The following KLHL7 variants were observed in gnomAD, a reference collection of about 807,000 sequenced individuals.
KLHL7 encodes the protein kelch-like protein 7.
KLHL7 carries 44 observed loss-of-function variants against 67.4 expected under a neutral mutation model. The ratio of observed to expected loss-of-function variants is 0.65; its 90% CI spans 0.51 to 0.84. The LOEUF is 0.84. Ranked by LOEUF, KLHL7 falls within the 40% of genes least tolerant of loss-of-function variation. The pLI, the probability that KLHL7 is intolerant of heterozygous loss-of-function variation, is 0.00. For synonymous variants in KLHL7, 252 were observed against 243.3 expected (o/e 1.04, Z -0.33); for missense variants, 362 against 718.1 (o/e 0.50, Z 5.67).
At chr7:23,127,972 G>C (rs1405086409) in intron 4 of KLHL7, among the ~76,000 whole-genome samples, 1 of 150,300 alleles carries the variant, frequency 6.7e-6, no homozygotes, top group East Asian at 2.0e-4. Flanking sequence ...AGAAATAGAA[G>C]GGAACAAATT....
rs547045890 is a variant in KLHL7, at chr7:23,120,407, TTTAA to T, written c.121-3367_121-3364del. Among the ~76,000 whole-genome samples, 773 of 152,342 alleles carry T rather than the reference TTTAA, an allele frequency of 5.1e-3. 7 individuals carry two copies. The highest frequency in any genetic ancestry group is 0.017 in the African/African-American group (727 of 41,576). On this transcript the variant is annotated intron_variant, in intron 1 of 10. Transcript: ENST00000339077. ...TGATTTCTTAAAAATTTTTTTTTGT[TTTAA>T]TTGACAAATAATAGTTGTACTTATA...
chr7:23,145,866 G>A lies in KLHL7; in HGVS notation c.793+1841G>A, dbSNP rs1196707110. 3.9e-5 allele frequency among the ~76,000 whole-genome samples: 6 copies of A among 152,146 alleles called. No homozygotes were observed. The East Asian group carries it at 9.6e-4, about 24-fold the overall frequency. ...TCACCTCAGCCTCCCAAGTAGCTGGGACTACAGGCACACACCACTATGCCC... is the reference window on the plus strand; with the variant it reads ...TCACCTCAGCCTCCCAAGTAGCTGGAACTACAGGCACACACCACTATGCCC... On this transcript the variant is annotated intron_variant, in intron 6 of 10. Coordinates refer to ENST00000339077, the MANE Select transcript of KLHL7 (RefSeq NM_001031710.3).
chr7:23,141,601 CTTTA>C (rs538028146), intron 5 of KLHL7, among the ~76,000 whole-genome samples: 5 of 151,768 alleles, frequency 3.3e-5, no homozygotes, highest in Non-Finnish European at 5.9e-5. Context: ...TGGGAGAACA[CTTTA>C]TTTAATTCAT....
chr7:23,114,299 G>A (rs947244964), intron 1 of KLHL7, among the ~76,000 whole-genome samples: 2 of 152,104 alleles, frequency 1.3e-5, no homozygotes, highest in African/African-American at 4.8e-5. Flanking sequence ...GATATGTAGG[G>A]GCAATTTAAA....
chr7:23,119,501 C>T (rs572340205), intron 1 of KLHL7, among the ~76,000 whole-genome samples: 5 of 152,230 alleles, frequency 3.3e-5, no homozygotes, highest in Admixed American at 6.5e-5. Context: ...TGCCCAGCCC[C>T]CAATATTGTC....
intron 1 of KLHL7, among the ~76,000 whole-genome samples, chr7:23,115,414 A>G (rs750592420): frequency 6.6e-6 from 1 of 152,180 alleles, no homozygotes; most frequent in Admixed American, 6.5e-5. Flanking sequence ...TCTGTAATCT[A>G]TAGACTCTAG....
intron 1 of KLHL7, chr7:23,117,721 A>T: frequency 1.0e-6 from 1 of 992,198 alleles, no homozygotes; most frequent in Non-Finnish European, 1.4e-6. Context: ...AGTCTTTTTA[A>T]TGTTTCTTAG....
chr7:23,105,944 T>A lies in KLHL7; in HGVS notation c.-83T>A, dbSNP rs1216016123. 2 of 1,555,492 alleles carry A rather than the reference T, an allele frequency of 1.3e-6. No individual in the cohort carries two copies. Among genetic ancestry groups the A allele is most frequent in the South Asian group, 2.4e-5 (2 of 84,974 alleles). ...CTGCACTGCCGATCGCCGTGTTTGGTCGATAGAATCCCCAGTGTGCCCAGA... is the reference window on the plus strand; with the variant it reads ...CTGCACTGCCGATCGCCGTGTTTGGACGATAGAATCCCCAGTGTGCCCAGA... On this transcript the variant is annotated 5_prime_UTR_variant, in exon 1 of 11. Transcript: ENST00000339077.
intron 7 of KLHL7, among the ~76,000 whole-genome samples, chr7:23,158,527 T>G (rs75044348): frequency 0.027 from 4,086 of 152,308 alleles, 184 homozygotes; most frequent in African/African-American, 0.093. Flanking sequence ...CTATGAAAAT[T>G]TGGTGATCCA....
In KLHL7 at chr7:23,152,071, A is replaced by C. The variant is rs777858762; in HGVS notation, c.798A>C (p.Gly266=). ...NPECLKMVIS[G]MRYHLLSPED... ...TTGCCATGTATTTTACTACAGGTGG[A>C]ATGAGGTACCATCTACTGTCTCCAG... The change falls in exon 7 of 11, where the codon GGA becomes GGC. Residue 266 remains glycine, a synonymous_variant. Coordinates refer to ENST00000339077, the MANE Select transcript of KLHL7 (RefSeq NM_001031710.3). 6.8e-6 allele frequency: 11 copies of C among 1,613,864 alleles called. No homozygotes were observed. The South Asian group carries it at 1.2e-4, about 18-fold the overall frequency.
chr7:23,173,295 AC>A (rs1785218485), intron 10 of KLHL7, among the ~76,000 whole-genome samples: 1 of 152,288 alleles, frequency 6.6e-6, no homozygotes, highest in African/African-American at 2.4e-5. Flanking sequence ...ATTCCCAGAT[AC>A]CTCCTGGGGA....
intron 4 of KLHL7, among the ~76,000 whole-genome samples, chr7:23,139,256 T>C (rs1784096613): frequency 6.6e-6 from 1 of 152,208 alleles, no homozygotes; most frequent in Non-Finnish European, 1.5e-5. Context: ...AAAATAATAA[T>C]GCTTTGTGAC....
rs1266924292 is a variant in KLHL7 at position 23,170,716 on chromosome 7, T to A, written c.1380-2232T>A. Among the ~76,000 whole-genome samples the A allele has an allele frequency of 2.0e-5, 3 of 152,160 alleles. No individual in the cohort carries two copies. The East Asian group carries it at 5.8e-4, about 29-fold the overall frequency. On this transcript the variant is annotated intron_variant, in intron 9 of 10. Transcript: ENST00000339077. ...TTACTCTGACTTGATCATTACACAT[T>A]GTATACATGTGTCAAAATATCACAG...
Position 23,116,183 on chromosome 7 carries a change from G to T in KLHL7, c.121-7594G>T, listed in dbSNP as rs1158459640. 2.0e-5 allele frequency among the ~76,000 whole-genome samples: 3 copies of T among 152,180 alleles called. No homozygotes were observed. The East Asian group carries it at 5.8e-4, about 29-fold the overall frequency. ...GTGCCCATTAAGATCCTGTCATGCT[G>T]TGAAATTCCTTGTATCTATGAATCC... On this transcript the variant is annotated intron_variant, in intron 1 of 10. Transcript: ENST00000339077.
intron 1 of KLHL7, chr7:23,117,784 A>G: frequency 6.6e-7 from 1 of 1,515,512 alleles, no homozygotes. Context: ...TAATCCAAGA[A>G]AATTATTTAC....
intron 1 of KLHL7, among the ~76,000 whole-genome samples, chr7:23,110,822 G>A (rs1287548544): frequency 3.0e-5 from 4 of 132,158 alleles, no homozygotes; most frequent in African/African-American, 1.2e-4. Context: ...GTGTCCGTGT[G>A]TTCTCATTGT....
intron 7 of KLHL7, among the ~76,000 whole-genome samples, chr7:23,158,505 A>G (rs1784770780): frequency 6.6e-6 from 1 of 152,182 alleles, no homozygotes; most frequent in African/African-American, 2.4e-5. Flanking sequence ...TAGATTTGGT[A>G]TGGATTATTT....
rs1289502333 is a variant in KLHL7 at position 23,172,123 on chromosome 7, G to A, written c.1380-825G>A. The stretch of plus-strand genomic sequence containing the variant: ...TGTTGTTTGGCGTCTCTTGGTTTAA[G>A]TTAGCTGCTGAAAGCACAAGCCTGT... On this transcript the variant is annotated intron_variant, in intron 9 of 10. Transcript: ENST00000339077. The A allele has an allele frequency of 1.3e-5, 6 of 456,238 alleles. No homozygotes were observed. The Admixed American group carries it at 1.4e-4, about 11-fold the overall frequency. The allele number at this position is 456,238 out of a possible 1,614,324, so 28.3% of individuals were successfully genotyped here.
intron 1 of KLHL7, among the ~76,000 whole-genome samples, chr7:23,115,730 A>G (rs1783059451): frequency 6.6e-6 from 1 of 151,904 alleles, no homozygotes; most frequent in South Asian, 2.1e-4. Context: ...ATTTTAGTAG[A>G]GACGGGGTTT....
Sources: allele counts gnomAD v4.1 joint callset (sites outside exome capture counted in the v4.1 genomes callset), GRCh38; gene constraint gnomAD v4.1.1; transcripts MANE v1.5; gene names NCBI Gene and HGNC (gene_info 2026-07-23, HGNC 2026-07-21).